Variants in VPS13B observed in about 807,000 individuals in gnomAD.
VPS13B encodes intermembrane lipid transfer protein VPS13B.
A neutral mutation model predicts 426.4 loss-of-function variants in VPS13B; 285 were observed. That is an observed-to-expected ratio of 0.67 (90% confidence interval 0.61 to 0.74). The LOEUF is 0.74. VPS13B is among the 30% of genes least tolerant of loss of function. The pLI is 0.00. For missense variants in VPS13B, 4,537 were observed against 4,782.6 expected, an observed-to-expected ratio of 0.95 and a Z score of 1.51; for synonymous variants, 1,676 against 1,676.4, an observed-to-expected ratio of 1.00 and a Z score of 0.01.
chr8:99,502,961 A>T lies in VPS13B; in HGVS notation c.4157+11A>T. ...TCACTATAGAAGCAGGTAAATAATG[A>T]ATAATGAATATAAGAAAATCTGTAT... On this transcript the variant is annotated intron_variant, in intron 27 of 61. Coordinates refer to ENST00000357162, the MANE Select transcript of VPS13B (RefSeq NM_152564.5). 1.3e-6 allele frequency: 2 copies of T among 1,544,388 alleles called. No individual in the cohort carries two copies. Among genetic ancestry groups the T allele is most frequent in the Non-Finnish European group, 1.8e-6 (2 of 1,118,150 alleles).
chr8:99,788,596 C>CT (rs1247118383), intron 43 of VPS13B, among the ~76,000 whole-genome samples: 1 of 152,108 alleles, frequency 6.6e-6, no homozygotes, highest in Admixed American at 6.6e-5. Flanking sequence ...GTTGCAGCTA[C>CT]TCAACTCTGT....
At chr8:99,515,389 G>GCTT (rs1264968025) in intron 29 of VPS13B, among the ~76,000 whole-genome samples, 1 of 151,404 alleles carries the variant, frequency 6.6e-6, no homozygotes, top group Admixed American at 6.6e-5. Context: ...TGCTGCTGCT[G>GCTT]CTGCTTCTGC....
In VPS13B at chr8:99,770,194, T is replaced by C. The variant is rs529935814; in HGVS notation, c.7247+3224T>C. Among the ~76,000 whole-genome samples, 319 of 152,268 alleles carry C rather than the reference T, an allele frequency of 2.1e-3. 1 individual carries two copies. The highest frequency in any genetic ancestry group is 7.4e-3 in the African/African-American group (307 of 41,542). ...AAATGAGTCATTAGTTAGGTTCCTATATCTTTAACTAATGGTTTGCTTGAT... is the reference window on the plus strand; with the variant it reads ...AAATGAGTCATTAGTTAGGTTCCTACATCTTTAACTAATGGTTTGCTTGAT... On this transcript the variant is annotated intron_variant, in intron 40 of 61. Coordinates refer to ENST00000357162, the MANE Select transcript of VPS13B (RefSeq NM_152564.5).
In VPS13B at chr8:99,521,029, G is replaced by A; in HGVS notation, c.4745+19G>A. The A allele has an allele frequency of 6.3e-7, 1 of 1,597,522 alleles. No homozygotes were observed. Among genetic ancestry groups the A allele is most frequent in the Non-Finnish European group, 8.6e-7 (1 of 1,165,354 alleles). On this transcript the variant is annotated intron_variant, in intron 30 of 61. Coordinates refer to ENST00000357162, the MANE Select transcript of VPS13B (RefSeq NM_152564.5). ...TTTACCAGTAAGTTTATTTTCTTAT[G>A]TCCAATCTTGCAACAATTTTCATCC...
intron 51 of VPS13B, among the ~76,000 whole-genome samples, chr8:99,826,987 C>T (rs1814725953): frequency 6.6e-6 from 1 of 151,814 alleles, no homozygotes; most frequent in Admixed American, 6.6e-5. Context: ...TTTTATTGAG[C>T]ATTTTCGCAT....
At chr8:99,013,968 G>A (rs985459502) in intron 2 of VPS13B, 33 bp downstream of exon 2, 3 of 1,613,914 alleles carry the variant, frequency 1.9e-6, no homozygotes, top group Non-Finnish European at 2.5e-6. Context: ...ACTGGAAACA[G>A]TTTTCAGCTT....
chr8:99,590,228 T>A (rs957309113), intron 33 of VPS13B, among the ~76,000 whole-genome samples: 1 of 152,212 alleles, frequency 6.6e-6, no homozygotes. Context: ...TTCTTCTCTC[T>A]TTTCTTTATT....
At chr8:99,295,751 A>G (rs987498534) in intron 19 of VPS13B, among the ~76,000 whole-genome samples, 1 of 152,182 alleles carries the variant, frequency 6.6e-6, no homozygotes, top group African/African-American at 2.4e-5. Context: ...GTAGAAGGCC[A>G]GGCGCAATGG....
At chr8:99,641,767 G>T in intron 33 of VPS13B, 44 bp from the exon 34 acceptor site, 1 of 1,547,212 alleles carries the variant, frequency 6.5e-7, no homozygotes, top group South Asian at 1.2e-5. Flanking sequence ...TATGACACTT[G>T]GCATGTAACT....
intron 19 of VPS13B, among the ~76,000 whole-genome samples, chr8:99,312,281 T>C (rs896328917): frequency 2.0e-5 from 3 of 152,234 alleles, no homozygotes; most frequent in African/African-American, 7.2e-5. Flanking sequence ...CTTTACAATT[T>C]GGCATGTTTT....
chr8:99,493,440 A>T (rs1223472431), intron 25 of VPS13B, among the ~76,000 whole-genome samples: 1 of 152,182 alleles, frequency 6.6e-6, no homozygotes, highest in African/African-American at 2.4e-5. Context: ...CACATATCTG[A>T]TCTAAATTTG....
chr8:99,556,427 T>G (rs756353371), intron 30 of VPS13B, 23 bp from the exon 31 acceptor site: 1 of 1,608,922 alleles, frequency 6.2e-7, no homozygotes, highest in Non-Finnish European at 8.5e-7. Context: ...TTTTTATTTT[T>G]GTTTTTTTCG....
At chr8:99,863,186 C>T (rs1198875976) in intron 58 of VPS13B, among the ~76,000 whole-genome samples, 3 of 152,136 alleles carry the variant, frequency 2.0e-5, no homozygotes, top group African/African-American at 7.2e-5. Flanking sequence ...ATGGCAGCCA[C>T]CATGCTCATG....
chr8:99,069,138 A>G (rs1844716180), intron 3 of VPS13B, among the ~76,000 whole-genome samples: 1 of 152,170 alleles, frequency 6.6e-6, no homozygotes, highest in African/African-American at 2.4e-5. Flanking sequence ...GAGCCCTTAA[A>G]TAAATGGAGT....
chr8:99,820,257 G>A (rs1310712086), intron 49 of VPS13B, 135 bp downstream of exon 49: 4 of 817,662 alleles, frequency 4.9e-6, no homozygotes, highest in Non-Finnish European at 5.8e-6. Context: ...AAGAGGTATG[G>A]AATGTTCTTT....
At chr8:99,174,843 A>G (rs1376635356) in intron 16 of VPS13B, among the ~76,000 whole-genome samples, 1 of 152,156 alleles carries the variant, frequency 6.6e-6, no homozygotes, top group South Asian at 2.1e-4. Context: ...CTCCATGTAG[A>G]TTGTCTTTTA....
intron 2 of VPS13B, among the ~76,000 whole-genome samples, chr8:99,018,365 G>A (rs972600221): frequency 7.9e-5 from 12 of 152,160 alleles, no homozygotes; most frequent in African/African-American, 2.2e-4. Flanking sequence ...CAGCCTGGGC[G>A]ACAGAGTGAG....
chr8:99,529,089 A>G (rs1330806074), intron 30 of VPS13B, among the ~76,000 whole-genome samples: 2 of 152,146 alleles, frequency 1.3e-5, no homozygotes. Context: ...AAACCTATAT[A>G]ACTAAGACAT....
intron 15 of VPS13B, among the ~76,000 whole-genome samples, chr8:99,158,469 G>T (rs1355343723): frequency 3.3e-5 from 5 of 152,136 alleles, no homozygotes; most frequent in Non-Finnish European, 7.4e-5. Flanking sequence ...GGAGGCAGAG[G>T]TTGCAATGAG....
Sources: gnomAD v4.1 joint callset for allele counts (sites outside exome capture counted in the v4.1 genomes callset) on GRCh38, gnomAD v4.1.1 for gene constraint, MANE v1.5 for transcripts, NCBI Gene and HGNC (gene_info 2026-07-23, HGNC 2026-07-21) for gene names.